Variants in RAP1GDS1 observed in about 807,000 individuals in gnomAD.
The protein encoded by RAP1GDS1 is Rap1 GTPase-GDP dissociation stimulator 1.
Under a neutral mutation model 71.1 loss-of-function variants are expected in RAP1GDS1, and 35 were observed. The observed-to-expected ratio is 0.49, with a 90% confidence interval of 0.38 to 0.65. The LOEUF (loss-of-function observed/expected upper bound fraction) is 0.65, where lower values mean the gene tolerates loss of function less well. Among genes scored for constraint, RAP1GDS1 ranks in the 30% least tolerant of loss-of-function variants. The probability of loss-of-function intolerance (pLI) is 0.00; values close to 1 mark genes in which losing one functional copy is unlikely to be tolerated. For missense variants in RAP1GDS1, 663 were observed against 706.1 expected (o/e 0.94, Z 0.69); for synonymous variants, 229 against 243.1 (o/e 0.94, Z 0.54).
chr4:98,422,013 T>C (rs557297445), intron 12 of RAP1GDS1, among the ~76,000 whole-genome samples: 2 of 151,724 alleles, frequency 1.3e-5, no homozygotes, highest in Non-Finnish European at 2.9e-5. Context: ...CTGGATAACA[T>C]AGTGAAACCC....
At chr4:98,268,722 G>C (rs79824622) in intron 1 of RAP1GDS1, among the ~76,000 whole-genome samples, 2,098 of 152,134 alleles carry the variant, frequency 0.014, 43 homozygotes, top group African/African-American at 0.048. Flanking sequence ...ATTTACAGTA[G>C]CTGCAAAAAT....
chr4:98,300,401 A>C (rs550083652), intron 2 of RAP1GDS1, among the ~76,000 whole-genome samples: 2 of 151,046 alleles, frequency 1.3e-5, no homozygotes, highest in Admixed American at 1.3e-4. Flanking sequence ...TGTAGACAGA[A>C]CTTTTTTTTT....
In RAP1GDS1 at chr4:98,312,695, A is replaced by T. The variant is rs79336042; in HGVS notation, c.112+19180A>T. Among the ~76,000 whole-genome samples, 527 of 151,976 alleles carry T rather than the reference A, an allele frequency of 3.5e-3. 2 individuals are homozygous for T. The highest frequency in any genetic ancestry group is 0.012 in the African/African-American group (493 of 41,462). ...ATGGAATGTGTGTGTGCATGTGTGT[A>T]TGTGTATGTTTGTGTAGCTATACAT... On this transcript the variant is annotated intron_variant, in intron 2 of 14. Coordinates refer to ENST00000408927, the MANE Select transcript of RAP1GDS1 (RefSeq NM_001100427.2).
At chr4:98,326,351 T>C (rs1396920886) in intron 2 of RAP1GDS1, among the ~76,000 whole-genome samples, 1 of 152,210 alleles carries the variant, frequency 6.6e-6, no homozygotes, top group African/African-American at 2.4e-5. Flanking sequence ...GTAATTAATA[T>C]CAAATTTCTA....
chr4:98,413,251 G>C lies in RAP1GDS1; in HGVS notation c.764-3494G>C, dbSNP rs1747350637. 2.0e-5 allele frequency among the ~76,000 whole-genome samples: 3 copies of C among 151,604 alleles called. No homozygotes were observed. The South Asian group carries it at 6.3e-4, about 32-fold the overall frequency. The stretch of plus-strand genomic sequence containing the variant: ...TTTTTTTATTATACTTTAAGTTTTA[G>C]GGTACATGTACACATTGTGCAGGTT... On this transcript the variant is annotated intron_variant, in intron 7 of 14. Transcript: ENST00000408927.
chr4:98,262,846 AT>A (rs1722222774), intron 1 of RAP1GDS1, among the ~76,000 whole-genome samples: 1 of 152,232 alleles, frequency 6.6e-6, no homozygotes, highest in Non-Finnish European at 1.5e-5. Flanking sequence ...TCAGGCTTTG[AT>A]CCCGACCTTT....
intron 1 of RAP1GDS1, among the ~76,000 whole-genome samples, chr4:98,271,454 G>A (rs966795891): frequency 8.6e-5 from 13 of 152,022 alleles, no homozygotes; most frequent in Admixed American, 2.6e-4. Context: ...ATTTCAAGCC[G>A]CTAAAATAGT....
At chr4:98,403,539 A>G (rs1317773304) in intron 6 of RAP1GDS1, among the ~76,000 whole-genome samples, 1 of 152,206 alleles carries the variant, frequency 6.6e-6, no homozygotes, top group African/African-American at 2.4e-5. Flanking sequence ...TATTGAGTTT[A>G]GAATGCTAGA....
intron 6 of RAP1GDS1, among the ~76,000 whole-genome samples, chr4:98,402,133 C>G (rs1475830049): frequency 2.0e-5 from 3 of 152,092 alleles, no homozygotes; most frequent in Non-Finnish European, 4.4e-5. Context: ...AGTGCAGTGG[C>G]ATGATCTCTG....
At chr4:98,289,873 G>A (rs1726667223) in intron 1 of RAP1GDS1, among the ~76,000 whole-genome samples, 1 of 151,900 alleles carries the variant, frequency 6.6e-6, no homozygotes, top group Non-Finnish European at 1.5e-5. Context: ...CTGTATTCTA[G>A]GTACTTGAAA....
chr4:98,281,034 C>T (rs1341936984), intron 1 of RAP1GDS1, among the ~76,000 whole-genome samples: 1 of 152,068 alleles, frequency 6.6e-6, no homozygotes, highest in East Asian at 1.9e-4. Context: ...AGTTTGAAGT[C>T]AGGTAGCATG....
At chr4:98,343,576 C>T (rs550009411) in intron 3 of RAP1GDS1, among the ~76,000 whole-genome samples, 2 of 152,072 alleles carry the variant, frequency 1.3e-5, no homozygotes, top group South Asian at 4.2e-4. Flanking sequence ...TCTTTATTGC[C>T]ATAAGAGATA....
chr4:98,283,835 T>TC (rs1725577915), intron 1 of RAP1GDS1, among the ~76,000 whole-genome samples: 1 of 151,432 alleles, frequency 6.6e-6, no homozygotes, highest in Non-Finnish European at 1.5e-5. Context: ...TTTTTTTTTT[T>TC]TGTTAGTCAC....
intron 4 of RAP1GDS1, among the ~76,000 whole-genome samples, chr4:98,377,628 T>TTGTG (rs58691883): frequency 0.032 from 4,707 of 149,358 alleles, 221 homozygotes; most frequent in African/African-American, 0.1. Context: ...TACTATATAA[T>TTGTG]TGTGTGTGTG....
intron 14 of RAP1GDS1, among the ~76,000 whole-genome samples, chr4:98,440,476 C>CACATGGATTATCATTTCTCA (rs1245359819): frequency 6.6e-6 from 1 of 152,162 alleles, no homozygotes; most frequent in Non-Finnish European, 1.5e-5. Context: ...TCCAGCAGTA[C>CACATGGATTATCATTTCTCA]ACATGGATTA....
chr4:98,383,873 G>T (rs1390704609), intron 5 of RAP1GDS1, among the ~76,000 whole-genome samples: 2 of 151,410 alleles, frequency 1.3e-5, no homozygotes, highest in Non-Finnish European at 3.0e-5. Context: ...ACTTTATTAC[G>T]GGTGAAAAAG....
At position 98,261,504 on chromosome 4, in the gene RAP1GDS1, C is replaced by G; in HGVS notation, c.-62C>G. ...CGGAGGTAGAGGGAGGACACAGAGC[C>G]GCGCCGCCCGCACCACAGACCTTCG... is the stretch of plus-strand genomic sequence containing the variant. On this transcript the variant is annotated 5_prime_UTR_variant, in exon 1 of 15. Transcript: ENST00000408927. 6.4e-7 allele frequency: 1 copy of G among 1,559,220 alleles called. No individual in the cohort carries two copies. The highest frequency in any genetic ancestry group is 1.2e-5 in the South Asian group (1 of 85,894).
At chr4:98,289,554 CAAAAAA>C (rs6148589) in intron 1 of RAP1GDS1, among the ~76,000 whole-genome samples, 10 of 101,990 alleles carry the variant, frequency 9.8e-5, no homozygotes, top group South Asian at 3.2e-4. Flanking sequence ...CTCTGGTAAA[CAAAAAA>C]AAAAAAAAAA....
At chr4:98,441,763 T>A (rs1467919683) in intron 14 of RAP1GDS1, 2 of 537,754 alleles carry the variant, frequency 3.7e-6, no homozygotes, top group African/African-American at 4.1e-5. Context: ...CAAGTCCCCA[T>A]CTTTAAAATT....
Sources: gnomAD v4.1 joint callset for allele counts (sites outside exome capture counted in the v4.1 genomes callset) on GRCh38, gnomAD v4.1.1 for gene constraint, MANE v1.5 for transcripts, NCBI Gene and HGNC (gene_info 2026-07-23, HGNC 2026-07-21) for gene names.